The following ATP2C1 variants were observed in gnomAD, a reference collection of about 807,000 sequenced individuals.
The protein encoded by ATP2C1 is calcium-transporting ATPase type 2C member 1.
In ATP2C1, 31 loss-of-function variants were observed where a neutral mutation model predicts 120.5. The ratio of observed to expected loss-of-function variants is 0.26; its 90% confidence interval spans 0.19 to 0.35. The LOEUF (loss-of-function observed/expected upper bound fraction) is 0.35, where lower values mean the gene tolerates loss of function less well. Among genes scored for constraint, ATP2C1 ranks in the 10% least tolerant of loss-of-function variants. The pLI is 1.00. For synonymous variants in ATP2C1, 351 were observed against 358.7 expected (o/e 0.98, Z 0.24); for missense variants, 731 against 1,107.5 (o/e 0.66, Z 4.83).
intron 1 of ATP2C1, among the ~76,000 whole-genome samples, chr3:130,888,227 TCTC>T (rs78292034): frequency 0.099 from 15,124 of 152,106 alleles, 851 homozygotes; most frequent in Non-Finnish European, 0.13. Context: ...TCTTCTTTGC[TCTC>T]CTCTTCATAC....
intron 7 of ATP2C1, 90 bp from the exon 8 acceptor site, chr3:130,941,501 C>G: frequency 9.7e-7 from 1 of 1,034,530 alleles, no homozygotes; most frequent in Non-Finnish European, 1.5e-6. Flanking sequence ...TTTGCCTTTT[C>G]CTCAGACAAG....
At chr3:130,909,781 C>T (rs967780445) in intron 2 of ATP2C1, among the ~76,000 whole-genome samples, 7 of 152,030 alleles carry the variant, frequency 4.6e-5, no homozygotes, top group African/African-American at 1.7e-4. Flanking sequence ...ATGTGTTTGT[C>T]TGAATTATTA....
At chr3:130,948,909 T>C (rs576526361) in intron 8 of ATP2C1, among the ~76,000 whole-genome samples, 1 of 152,300 alleles carries the variant, frequency 6.6e-6, no homozygotes, top group East Asian at 1.9e-4. Context: ...TTTTGGGGCA[T>C]CATTAACGAT....
chr3:130,980,726 T>A lies in ATP2C1; in HGVS notation c.1839+47T>A, dbSNP rs143105470. 3.0e-6 allele frequency: 4 copies of A among 1,335,264 alleles called. No homozygotes were observed. The Admixed American group carries it at 6.7e-5, about 22-fold the overall frequency. The allele number at this position is 1,335,264 out of a possible 1,614,324, so 82.7% of individuals were successfully genotyped here. ...TTGGACTGAAAGGCCTTATTCTAAG[T>A]GTTACCATTTCTACTACTATCTTAA... On this transcript the variant is annotated intron_variant, in intron 20 of 27. Coordinates refer to ENST00000510168, the MANE Select transcript of ATP2C1 (RefSeq NM_001378687.1).
chr3:131,012,238 T>G (rs571723909), intron 26 of ATP2C1, among the ~76,000 whole-genome samples: 12 of 150,322 alleles, frequency 8.0e-5, no homozygotes, highest in African/African-American at 2.9e-4. Context: ...ATAACAACGG[T>G]CTTACATGGT....
intron 2 of ATP2C1, among the ~76,000 whole-genome samples, chr3:130,903,123 T>TG (rs1256846101): frequency 2.4e-4 from 36 of 152,198 alleles, no homozygotes; most frequent in African/African-American, 8.7e-4. Context: ...AACTATGTAT[T>TG]GGACTTACTA....
intron 8 of ATP2C1, 140 bp from the exon 9 acceptor site, chr3:130,953,681 T>C (rs1156250074): frequency 3.4e-6 from 3 of 894,210 alleles, no homozygotes. Context: ...ATTCTGGTCT[T>C]TTAGAGTGAT....
chr3:130,896,822 A>AT, intron 2 of ATP2C1, among the ~76,000 whole-genome samples: 1 of 152,336 alleles, frequency 6.6e-6, no homozygotes, highest in Admixed American at 6.5e-5. Context: ...GAAACCCTGT[A>AT]TAAATTCTCT....
chr3:130,945,963 C>T (rs748497086), intron 8 of ATP2C1, among the ~76,000 whole-genome samples: 14 of 151,448 alleles, frequency 9.2e-5, no homozygotes, highest in African/African-American at 2.9e-4. Flanking sequence ...CTTTCTAAGC[C>T]GAATAATACA....
chr3:130,904,155 A>G (rs771267518), intron 2 of ATP2C1, among the ~76,000 whole-genome samples: 20 of 152,052 alleles, frequency 1.3e-4, no homozygotes, highest in Non-Finnish European at 2.8e-4. Context: ...AAATAGTACA[A>G]AGAGGTCCTG....
exon 1 of ATP2C1, chr3:130,850,859 C>T (rs1242972660): frequency 1.7e-5 from 24 of 1,446,170 alleles, no homozygotes; most frequent in Non-Finnish European, 2.1e-5. Context: ...TCTCTTATTT[C>T]AAAAAATATC....
At chr3:130,877,180 A>G (rs2068631122) in intron 1 of ATP2C1, among the ~76,000 whole-genome samples, 1 of 152,142 alleles carries the variant, frequency 6.6e-6, no homozygotes, top group Non-Finnish European at 1.5e-5. Context: ...TGTGGAATAC[A>G]TTTTTCCATT....
At chr3:130,943,215 A>G (rs1243352333) in intron 8 of ATP2C1, among the ~76,000 whole-genome samples, 2 of 151,978 alleles carry the variant, frequency 1.3e-5, no homozygotes, top group African/African-American at 4.8e-5. Context: ...AACATTGTGA[A>G]TTTTTTATTT....
intron 1 of ATP2C1, among the ~76,000 whole-genome samples, chr3:130,860,559 G>A (rs2067982837): frequency 6.6e-6 from 1 of 152,226 alleles, no homozygotes; most frequent in South Asian, 2.1e-4. Flanking sequence ...TGCAAAGTCA[G>A]TGGTATTATC....
chr3:130,880,219 G>T (rs1204313159), intron 1 of ATP2C1, among the ~76,000 whole-genome samples: 1 of 152,146 alleles, frequency 6.6e-6, no homozygotes, highest in East Asian at 1.9e-4. Context: ...TCTACACTGG[G>T]ACACTGCTCA....
At chr3:130,948,934 A>G (rs544072315) in intron 8 of ATP2C1, among the ~76,000 whole-genome samples, 1 of 152,288 alleles carries the variant, frequency 6.6e-6, no homozygotes, top group Admixed American at 6.5e-5. Flanking sequence ...ATGTAAGACT[A>G]TAAATGTAAT....
At chr3:130,914,704 C>T (rs2058602023) in intron 2 of ATP2C1, among the ~76,000 whole-genome samples, 1 of 152,172 alleles carries the variant, frequency 6.6e-6, no homozygotes, top group Non-Finnish European at 1.5e-5. Flanking sequence ...GAATTAAAAA[C>T]ATAAATGTGA....
Position 130,894,149 on chromosome 3 carries a change from T to TGGCCC in ATP2C1, c.-369_-368insGGCCC. ...ACGGGTCCCCTCACCTCCTCTTCTCTCCCCTCCCCGCCCGCCCTCTCTCCC... is the reference window on the plus strand; with the variant it reads ...ACGGGTCCCCTCACCTCCTCTTCTCTGGCCCCCCCTCCCCGCCCGCCCTCTCTCCC... On this transcript the variant is annotated 5_prime_UTR_variant, in exon 1 of 28. Transcript: ENST00000510168. This position sits in a 1 kb window ranked among gnomAD's most constrained non-coding sequence, Gnocchi z 4.5. The TGGCCC allele has an allele frequency of 1.9e-5, 13 of 694,824 alleles. No individual in the cohort carries two copies. The highest frequency in any genetic ancestry group is 2.1e-5 in the Non-Finnish European group (12 of 565,180). 43.0% of individuals were successfully genotyped at this position (694,824 alleles called of 1,614,324 possible). A position where few individuals can be genotyped will look rare whatever the true frequency, so the allele number is the denominator to read the frequency against.
rs74950364 is a variant in ATP2C1 at position 130,880,419 on chromosome 3, G to A, written c.108+29491G>A. On this transcript the variant is annotated intron_variant, in intron 1 of 26. Transcript: ENST00000504381. ...ATTTTTCCAATTCGCCTAAATATTG[G>A]ACATTTAGAACTATTAAAAACTTAA... 8.1e-3 allele frequency among the ~76,000 whole-genome samples: 1,236 copies of A among 152,154 alleles called. 14 individuals are homozygous for A. The highest frequency in any genetic ancestry group is 0.028 in the African/African-American group (1,171 of 41,480).
Sources: gnomAD v4.1 joint callset for allele counts (sites outside exome capture counted in the v4.1 genomes callset) on GRCh38, gnomAD v4.1.1 for gene constraint, Gnocchi (gnomAD v3.1) non-coding constraint, MANE v1.5 for transcripts, NCBI Gene and HGNC (gene_info 2026-07-23, HGNC 2026-07-21) for gene names.